The following POU6F2 variants were observed in gnomAD, a reference collection of about 807,000 sequenced individuals.
POU6F2 encodes the protein POU class 6 homeobox 2, also known as POU domain, class 6, transcription factor 2.
POU6F2 carries 31 observed loss-of-function variants against 71.3 expected under a neutral mutation model. The observed-to-expected ratio is 0.43, with a 90% CI of 0.33 to 0.59. POU6F2 has a LOEUF of 0.59. POU6F2 is among the 20% of genes least tolerant of loss of function. The probability of loss-of-function intolerance (pLI) is 0.04; values close to 1 mark genes in which losing one functional copy is unlikely to be tolerated. For missense variants in POU6F2, 783 were observed against 856.8 expected (o/e 0.91, Z 1.07); for synonymous variants, 347 against 355.7 (o/e 0.98, Z 0.27).
intron 1 of POU6F2, among the ~76,000 whole-genome samples, chr7:39,038,649 T>C (rs149034037): frequency 8.5e-5 from 13 of 152,162 alleles, no homozygotes; most frequent in African/African-American, 2.9e-4. Context: ...CTTTCTTGTG[T>C]ATCCCTTTAA....
chr7:39,447,704 T>G (rs1171884861), intron 7 of POU6F2, among the ~76,000 whole-genome samples: 1 of 152,216 alleles, frequency 6.6e-6, no homozygotes, highest in Non-Finnish European at 1.5e-5. Flanking sequence ...AAGTTTCCCT[T>G]TCCCTCCAGG....
At chr7:39,112,267 AAAGTACTACTT>A (rs1791830381) in intron 2 of POU6F2, among the ~76,000 whole-genome samples, 1 of 152,210 alleles carries the variant, frequency 6.6e-6, no homozygotes, top group Non-Finnish European at 1.5e-5. Flanking sequence ...AGGTAACTTA[AAAGTACTACTT>A]TTAAGTGAGC....
chr7:39,391,156 TTTC>T (rs1271506091), intron 5 of POU6F2, among the ~76,000 whole-genome samples: 1 of 152,210 alleles, frequency 6.6e-6, no homozygotes, highest in Non-Finnish European at 1.5e-5. Context: ...AAAATCACAT[TTTC>T]TTCTTGTTAC....
chr7:38,995,442 G>A (rs986797950), intron 1 of POU6F2, among the ~76,000 whole-genome samples: 10 of 151,872 alleles, frequency 6.6e-5, no homozygotes, highest in African/African-American at 2.4e-4. Flanking sequence ...TGCACGTTGT[G>A]CACATGTACC....
At chr7:39,231,702 G>C (rs929974131) in intron 4 of POU6F2, among the ~76,000 whole-genome samples, 6 of 152,124 alleles carry the variant, frequency 3.9e-5, no homozygotes, top group Non-Finnish European at 5.9e-5. Context: ...TCAATCCCCT[G>C]CATGTTCTCT....
chr7:39,127,511 C>T (rs1450488044), intron 2 of POU6F2, among the ~76,000 whole-genome samples: 1 of 152,096 alleles, frequency 6.6e-6, no homozygotes, highest in Non-Finnish European at 1.5e-5. Context: ...TGACATCCTA[C>T]TGGGGGAGAC....
At chr7:39,180,250 A>C (rs954077604) in intron 2 of POU6F2, among the ~76,000 whole-genome samples, 1 of 152,190 alleles carries the variant, frequency 6.6e-6, no homozygotes, top group East Asian at 1.9e-4. Flanking sequence ...TTCTCAGCGG[A>C]GGGTCTATTC....
At chr7:39,064,799 C>G (rs1217845133) in intron 1 of POU6F2, among the ~76,000 whole-genome samples, 1 of 151,234 alleles carries the variant, frequency 6.6e-6, no homozygotes, top group African/African-American at 2.4e-5. Context: ...ACAAAAAAAC[C>G]CAAAGTAGAA....
chr7:39,456,907 C>G (rs1311608772), intron 8 of POU6F2, among the ~76,000 whole-genome samples: 1 of 152,186 alleles, frequency 6.6e-6, no homozygotes, highest in Non-Finnish European at 1.5e-5. Flanking sequence ...GGTGGAATAA[C>G]TGTTTCTTGG....
chr7:39,034,434 C>A, intron 1 of POU6F2: 1 of 395,706 alleles, frequency 2.5e-6, no homozygotes, highest in Non-Finnish European at 5.3e-6. Flanking sequence ...GAAGTGTTCT[C>A]GGCAGGAGCA....
intron 9 of POU6F2, among the ~76,000 whole-genome samples, chr7:39,461,679 G>T (rs1323389398): frequency 6.6e-6 from 1 of 152,078 alleles, no homozygotes; most frequent in East Asian, 1.9e-4. Context: ...CATCAGTATG[G>T]GGTAGTAGCT....
intron 2 of POU6F2, among the ~76,000 whole-genome samples, chr7:39,099,809 A>G (rs1351097627): frequency 2.6e-5 from 4 of 152,176 alleles, no homozygotes; most frequent in African/African-American, 7.2e-5. Flanking sequence ...TCTTAGCCCA[A>G]TGCGTATTTT....
intron 5 of POU6F2, among the ~76,000 whole-genome samples, chr7:39,365,387 C>G (rs1265067099): frequency 6.6e-6 from 1 of 152,134 alleles, no homozygotes; most frequent in Non-Finnish European, 1.5e-5. Context: ...CAAAAATCAA[C>G]TCAAGATGGA....
At chr7:39,386,235 G>C (rs1786941377) in intron 5 of POU6F2, among the ~76,000 whole-genome samples, 1 of 151,980 alleles carries the variant, frequency 6.6e-6, no homozygotes, top group Non-Finnish European at 1.5e-5. Flanking sequence ...ATTTCTCTCT[G>C]CTCACTCCAG....
At chr7:39,445,791 A>G (rs1788510217) in intron 7 of POU6F2, among the ~76,000 whole-genome samples, 1 of 152,174 alleles carries the variant, frequency 6.6e-6, no homozygotes, top group South Asian at 2.1e-4. Flanking sequence ...GGCATTCATT[A>G]TACCCTCCTA....
chr7:39,020,309 A>T (rs1251132534), intron 1 of POU6F2, among the ~76,000 whole-genome samples: 1 of 152,182 alleles, frequency 6.6e-6, no homozygotes, highest in Non-Finnish European at 1.5e-5. Context: ...TCTACTAAAG[A>T]TACTCAAATA....
intron 1 of POU6F2, among the ~76,000 whole-genome samples, chr7:39,051,539 C>A (rs1218285154): frequency 6.6e-6 from 1 of 152,062 alleles, no homozygotes; most frequent in African/African-American, 2.4e-5. Flanking sequence ...ATATACTCTA[C>A]AGAAACATTA....
At chr7:39,396,087 T>C (rs1787169182) in intron 5 of POU6F2, among the ~76,000 whole-genome samples, 1 of 152,146 alleles carries the variant, frequency 6.6e-6, no homozygotes. Context: ...ATTTTTCAGG[T>C]TATTAAATGG....
At chr7:39,414,678 C>T (rs1019394920) in intron 6 of POU6F2, among the ~76,000 whole-genome samples, 1 of 151,428 alleles carries the variant, frequency 6.6e-6, no homozygotes, top group South Asian at 2.1e-4. Flanking sequence ...TGCGGCCCCG[C>T]CCAAGGTCGC....
Sources: allele counts gnomAD v4.1 joint callset (sites outside exome capture counted in the v4.1 genomes callset), GRCh38; gene constraint gnomAD v4.1.1; transcripts MANE v1.5; gene names NCBI Gene and HGNC (gene_info 2026-07-23, HGNC 2026-07-21).